SMAP1: variants seen among roughly 807,000 people sequenced by gnomAD.
SMAP1 encodes stromal membrane-associated protein 1.
Under a neutral mutation model 58.5 loss-of-function variants are expected in SMAP1, and 24 were observed. That is an observed-to-expected ratio of 0.41 (90% CI 0.30 to 0.58). The LOEUF (loss-of-function observed/expected upper bound fraction) is 0.58. SMAP1 is among the 20% of genes least tolerant of loss of function. The pLI, the probability that SMAP1 is intolerant of heterozygous loss-of-function variation, is 0.29. For missense variants in SMAP1, 563 were observed against 566.3 expected, an observed-to-expected ratio of 0.99 and a Z score of 0.06; for synonymous variants, 216 against 196.6, an observed-to-expected ratio of 1.10 and a Z score of -0.82.
chr6:70,802,310 T>C (rs995853205), intron 6 of SMAP1, among the ~76,000 whole-genome samples: 4 of 152,216 alleles, frequency 2.6e-5, no homozygotes, highest in Non-Finnish European at 5.9e-5. Context: ...GATTTGGCTC[T>C]CTGTCATTGT....
At chr6:70,851,678 G>T (rs1771189630) in intron 7 of SMAP1, among the ~76,000 whole-genome samples, 1 of 152,088 alleles carries the variant, frequency 6.6e-6, no homozygotes, top group African/African-American at 2.4e-5. Context: ...TTCATCTCCT[G>T]CCCCCAGCCC....
Position 70,774,785 on chromosome 6 carries a change from T to G in SMAP1, c.414+1360T>G, listed in dbSNP as rs562444599. Reference sequence around the variant, plus strand: ...TGGCTTATGCCTGTAATCCCAGCACTTTGGGAGGCTGAGTCAGGTGGATTT... The same window carrying G: ...TGGCTTATGCCTGTAATCCCAGCACGTTGGGAGGCTGAGTCAGGTGGATTT... On this transcript the variant is annotated intron_variant, in intron 4 of 10. Coordinates refer to ENST00000370455, the MANE Select transcript of SMAP1 (RefSeq NM_001044305.3). 3.3e-5 allele frequency among the ~76,000 whole-genome samples: 5 copies of G among 152,074 alleles called. No individual in the cohort carries two copies. The South Asian group carries it at 1.0e-3, about 32-fold the overall frequency.
chr6:70,777,216 C>T (rs1042703122), intron 4 of SMAP1, among the ~76,000 whole-genome samples: 1 of 152,014 alleles, frequency 6.6e-6, no homozygotes, highest in Non-Finnish European at 1.5e-5. Context: ...TGATTTGCTG[C>T]GCCCACTGTC....
At chr6:70,754,745 A>C (rs1766414769) in intron 2 of SMAP1, among the ~76,000 whole-genome samples, 1 of 152,106 alleles carries the variant, frequency 6.6e-6, no homozygotes, top group Non-Finnish European at 1.5e-5. Flanking sequence ...AAAGACATTT[A>C]GATTATGGAC....
At chr6:70,786,411 C>T (rs1197504342) in intron 4 of SMAP1, among the ~76,000 whole-genome samples, 6 of 139,904 alleles carry the variant, frequency 4.3e-5, no homozygotes, top group African/African-American at 1.4e-4. Flanking sequence ...GATGCCCTCT[C>T]TCACCACTCC....
At chr6:70,741,948 C>T (rs1019042351) in intron 2 of SMAP1, among the ~76,000 whole-genome samples, 1 of 152,218 alleles carries the variant, frequency 6.6e-6, no homozygotes, top group Non-Finnish European at 1.5e-5. Context: ...ACATTGGCCC[C>T]TTTTAGCCGC....
intron 8 of SMAP1, 68 bp downstream of exon 8, chr6:70,852,732 A>G: frequency 7.0e-7 from 1 of 1,428,820 alleles, no homozygotes; most frequent in African/African-American, 1.5e-5. Context: ...TCAAAATTTC[A>G]ATTTTGGAAG....
Position 70,748,927 on chromosome 6 carries a change from C to T in SMAP1, c.253-6053C>T, listed in dbSNP as rs568433501. Among the ~76,000 whole-genome samples the T allele has an allele frequency of 2.0e-5, 3 of 151,860 alleles. No homozygotes were observed. The South Asian group carries it at 6.3e-4, about 32-fold the overall frequency. ...TTATAGTTGGCATACATTTTTATAT[C>T]CTTACAAAAATCTTTTGACCCATAG... On this transcript the variant is annotated intron_variant, in intron 2 of 10. Coordinates refer to ENST00000370455, the MANE Select transcript of SMAP1 (RefSeq NM_001044305.3).
intron 2 of SMAP1, among the ~76,000 whole-genome samples, chr6:70,737,957 A>T (rs549287334): frequency 6.6e-6 from 1 of 152,358 alleles, no homozygotes; most frequent in Non-Finnish European, 1.5e-5. Flanking sequence ...TGAAAATTCC[A>T]ACGGTAATAT....
chr6:70,818,868 T>C lies in SMAP1; in HGVS notation c.577-18073T>C, dbSNP rs537631625. On this transcript the variant is annotated intron_variant, in intron 6 of 10. Transcript: ENST00000370455. ...ACTTTTAAAATATCAACTTTATTGA[T>C]ATTTTAATTCATATATCATGTCATC... 4.6e-4 allele frequency among the ~76,000 whole-genome samples: 70 copies of C among 151,908 alleles called. No homozygotes were observed. The South Asian group carries it at 0.014, about 31-fold the overall frequency.
chr6:70,704,446 GA>G (rs1318769049), intron 1 of SMAP1, among the ~76,000 whole-genome samples: 1 of 152,084 alleles, frequency 6.6e-6, no homozygotes, highest in Non-Finnish European at 1.5e-5. Context: ...TAATATTACA[GA>G]TTTTTTTTTC....
intron 1 of SMAP1, among the ~76,000 whole-genome samples, chr6:70,700,396 T>A (rs1767580833): frequency 6.6e-6 from 1 of 152,284 alleles, no homozygotes; most frequent in Middle Eastern, 3.4e-3. Flanking sequence ...TTTCCCAGGT[T>A]CAAGCGATTC....
rs563140277 is a variant in SMAP1, at chr6:70,767,408, T to C, written c.339-5942T>C. Among the ~76,000 whole-genome samples the C allele has an allele frequency of 1.8e-4, 28 of 152,108 alleles. No homozygotes were observed. The East Asian group carries it at 3.5e-3, about 19-fold the overall frequency. On this transcript the variant is annotated intron_variant, in intron 3 of 10. Coordinates refer to ENST00000370455, the MANE Select transcript of SMAP1 (RefSeq NM_001044305.3). ...GGAATGTTCTTCCATTTGTTTGTAT[T>C]CTCTTTTATTTCATTGAGCAGTGGT...
intron 4 of SMAP1, among the ~76,000 whole-genome samples, chr6:70,781,575 A>C (rs959570375): frequency 2.6e-5 from 4 of 152,180 alleles, no homozygotes; most frequent in Non-Finnish European, 5.9e-5. Context: ...TTCTAAAATG[A>C]GATTGGAGGA....
At chr6:70,744,748 A>C (rs1326691071) in intron 2 of SMAP1, among the ~76,000 whole-genome samples, 1 of 152,214 alleles carries the variant, frequency 6.6e-6, no homozygotes, top group Non-Finnish European at 1.5e-5. Flanking sequence ...GAATTGCCAC[A>C]CTGTCTTCCA....
intron 6 of SMAP1, among the ~76,000 whole-genome samples, chr6:70,807,133 G>A (rs969403635): frequency 2.0e-5 from 3 of 152,194 alleles, no homozygotes; most frequent in Non-Finnish European, 4.4e-5. Context: ...TCATTGATTT[G>A]TGAGTTTCCA....
intron 1 of SMAP1, among the ~76,000 whole-genome samples, chr6:70,709,960 G>A (rs1767985342): frequency 6.6e-6 from 1 of 151,630 alleles, no homozygotes. Flanking sequence ...ACTTAATGAT[G>A]GGGATAAATT....
chr6:70,841,859 A>T (rs1025182200), intron 7 of SMAP1, among the ~76,000 whole-genome samples: 1 of 152,234 alleles, frequency 6.6e-6, no homozygotes, highest in African/African-American at 2.4e-5. Context: ...CCAGTTTTAT[A>T]TGAGAGAGGT....
At chr6:70,737,834 TTA>T (rs1765673976) in intron 2 of SMAP1, among the ~76,000 whole-genome samples, 1 of 152,178 alleles carries the variant, frequency 6.6e-6, no homozygotes, top group South Asian at 2.1e-4. Context: ...GCCTGTATTT[TTA>T]TATAGTCTCT....
Sources: allele counts gnomAD v4.1 joint callset (sites outside exome capture counted in the v4.1 genomes callset), GRCh38; gene constraint gnomAD v4.1.1; transcripts MANE v1.5; gene names NCBI Gene and HGNC (gene_info 2026-07-23, HGNC 2026-07-21).